The following PCDH17 variants were observed in gnomAD, a reference collection of about 807,000 sequenced individuals.
The protein encoded by PCDH17 is protocadherin-17.
Under a neutral mutation model 67.7 loss-of-function variants are expected in PCDH17, and 21 were observed. The observed-to-expected ratio is 0.31, with a 90% CI of 0.22 to 0.45. The LOEUF is 0.45. PCDH17 is among the 20% of genes least tolerant of loss of function. The probability of loss-of-function intolerance (pLI) is 1.00; values close to 1 mark genes in which losing one functional copy is unlikely to be tolerated. For missense variants in PCDH17, 1,471 were observed against 1,564.8 expected (o/e 0.94, Z 1.01); for synonymous variants, 701 against 656.7 (o/e 1.07, Z -1.03).
intron 1 of PCDH17, among the ~76,000 whole-genome samples, chr13:57,647,043 C>G (rs974342988): frequency 2.0e-5 from 3 of 151,766 alleles, no homozygotes; most frequent in Non-Finnish European, 3.0e-5. Context: ...TTGTGTTTTA[C>G]TCTTTCTGTG....
intron 3 of PCDH17, among the ~76,000 whole-genome samples, chr13:57,698,779 A>C (rs745904628): frequency 1.3e-5 from 2 of 152,138 alleles, no homozygotes; most frequent in East Asian, 3.9e-4. Flanking sequence ...CCGGCCTTTC[A>C]GAGTGAAAGA....
At chr13:57,717,397 G>A (rs149339603) in intron 3 of PCDH17, among the ~76,000 whole-genome samples, 1 of 151,986 alleles carries the variant, frequency 6.6e-6, no homozygotes, top group African/African-American at 2.4e-5. Context: ...CTTAAGTTCT[G>A]TTCACCTTAG....
At chr13:57,724,044 G>A (rs557144221) in intron 3 of PCDH17, among the ~76,000 whole-genome samples, 7 of 152,130 alleles carry the variant, frequency 4.6e-5, no homozygotes, top group South Asian at 2.1e-4. Context: ...TTCATAATAC[G>A]TCCTGATAAA....
At chr13:57,653,826 C>T (rs555121217) in intron 1 of PCDH17, among the ~76,000 whole-genome samples, 1 of 152,016 alleles carries the variant, frequency 6.6e-6, no homozygotes, top group South Asian at 2.1e-4. Flanking sequence ...CTTCATGTGT[C>T]GAAATGCATT....
chr13:57,696,563 T>C (rs1243547494), intron 3 of PCDH17, among the ~76,000 whole-genome samples: 1 of 151,426 alleles, frequency 6.6e-6, no homozygotes, highest in Non-Finnish European at 1.5e-5. Flanking sequence ...TGTTTTTAAA[T>C]GCCTTAGGAT....
At chr13:57,711,636 T>A (rs1955777195) in intron 3 of PCDH17, among the ~76,000 whole-genome samples, 1 of 151,780 alleles carries the variant, frequency 6.6e-6, no homozygotes, top group South Asian at 2.1e-4. Flanking sequence ...TAATATTTTC[T>A]ATTGAATATA....
At chr13:57,704,146 T>C (rs373763924) in intron 3 of PCDH17, among the ~76,000 whole-genome samples, 12 of 152,232 alleles carry the variant, frequency 7.9e-5, no homozygotes, top group African/African-American at 2.4e-4. Context: ...TTCAGCTATA[T>C]AGGTTTGTAG....
rs561360086 is a variant in PCDH17, at chr13:57,668,882, T to A, written c.2797+2049T>A. ...TATACTTTAAGTTCTAGGGTACATG[T>A]GCACAACGTGCAGGTTTGTTACATA... On this transcript the variant is annotated intron_variant, in intron 3 of 3. Coordinates refer to ENST00000377918, the MANE Select transcript of PCDH17 (RefSeq NM_001040429.3). Among the ~76,000 whole-genome samples the A allele has an allele frequency of 1.6e-4, 25 of 152,246 alleles. 1 individual carries two copies. In the South Asian group the frequency reaches 3.9e-3, roughly 24 times the overall value.
At chr13:57,713,271 G>A (rs1258021328) in intron 3 of PCDH17, among the ~76,000 whole-genome samples, 2 of 151,622 alleles carry the variant, frequency 1.3e-5, no homozygotes, top group Non-Finnish European at 3.0e-5. Context: ...AAACATTTCT[G>A]TATATTTACT....
chr13:57,643,830 G>C (rs575820762), intron 1 of PCDH17, among the ~76,000 whole-genome samples: 42 of 151,582 alleles, frequency 2.8e-4, no homozygotes, highest in African/African-American at 9.9e-4. Flanking sequence ...TTTTATTTTT[G>C]TGAGAGGTCA....
intron 3 of PCDH17, among the ~76,000 whole-genome samples, chr13:57,685,185 T>C (rs1277656534): frequency 6.6e-6 from 1 of 151,948 alleles, no homozygotes; most frequent in Non-Finnish European, 1.5e-5. Flanking sequence ...TTCTTCTAAT[T>C]TACTTGAGGG....
In PCDH17 at chr13:57,724,763, G is replaced by T; in HGVS notation, c.2949G>T (p.Glu983Asp). The T allele has an allele frequency of 6.2e-7, 1 of 1,614,158 alleles. No individual in the cohort carries two copies. The highest frequency in any genetic ancestry group is 8.5e-7 in the Non-Finnish European group (1 of 1,180,024). The change falls in exon 4 of 4, where the codon GAG (glutamate) becomes GAT (aspartate). Residue 983 changes from glutamate (E) to aspartate (D), a missense_variant. Physicochemically the swap from Glu to Asp is conservative, Grantham distance 45. Around this residue, in one of 3 missense-constraint regions of PCDH17, gnomAD observed 297 missense variants for 298.6 expected, o/e 0.99. Transcript: ENST00000377918. Reference sequence around the variant, plus strand: ...TACCTACAGTTGAAGCTAATGTTGAGACTGAGACTTACGAAACTGTGAATC... The same window carrying T: ...TACCTACAGTTGAAGCTAATGTTGATACTGAGACTTACGAAACTGTGAATC... ...LFVPTVEANV[E>D]TETYETVNPT...
At position 57,637,437 on chromosome 13, in the gene PCDH17, C is replaced by CT. The variant is rs879472876; in HGVS notation, c.2565+2338dup. On this transcript the variant is annotated intron_variant, in intron 1 of 3. Transcript: ENST00000377918. ...AGAGTAAATTAACTACAGGGACAGT[C>CT]TTTTTTTTTTTTAAACTAGTGTGTC... 1.3e-3 allele frequency among the ~76,000 whole-genome samples: 193 copies of CT among 143,570 alleles called. 1 individual carries two copies. Among genetic ancestry groups the CT allele is most frequent in the Middle Eastern group, 3.8e-3 (1 of 264 alleles). The allele number at this position is 143,570 out of a possible 152,430, so 94.2% of individuals were successfully genotyped here.
At chr13:57,702,352 T>C (rs571328016) in intron 3 of PCDH17, among the ~76,000 whole-genome samples, 25 of 152,132 alleles carry the variant, frequency 1.6e-4, no homozygotes, top group Admixed American at 1.2e-3. Flanking sequence ...CTACTTGGCA[T>C]CATAACCTAA....
chr13:57,698,742 A>C (rs1361314928), intron 3 of PCDH17, among the ~76,000 whole-genome samples: 1 of 151,974 alleles, frequency 6.6e-6, no homozygotes, highest in Non-Finnish European at 1.5e-5. Flanking sequence ...ATGATGCCTA[A>C]TAAAATGGCC....
At chr13:57,631,023 C>A (rs571037224), upstream of PCDH17, among the ~76,000 whole-genome samples, 1 of 152,204 alleles carries the variant, frequency 6.6e-6, no homozygotes, top group South Asian at 2.1e-4. Context: ...AGCTCTGCAC[C>A]CCCTGCCCTC....
intron 1 of PCDH17, among the ~76,000 whole-genome samples, chr13:57,660,591 G>A (rs2138015072): frequency 6.6e-6 from 1 of 152,192 alleles, no homozygotes; most frequent in East Asian, 1.9e-4. Flanking sequence ...ATAGTTCTAT[G>A]ACTGTTCATA....
rs368300635 is a variant in PCDH17, at chr13:57,680,351, G to A, written c.2797+13518G>A. 3.3e-5 allele frequency among the ~76,000 whole-genome samples: 5 copies of A among 151,684 alleles called. No homozygotes were observed. The East Asian group carries it at 9.7e-4, about 30-fold the overall frequency. On this transcript the variant is annotated intron_variant, in intron 3 of 3. Transcript: ENST00000377918. ...AAGGCGGGATAATAGCATCATCAAAGAAGTGGAGATGTAGCAAGCCATAGC... is the reference window on the plus strand; with the variant it reads ...AAGGCGGGATAATAGCATCATCAAAAAAGTGGAGATGTAGCAAGCCATAGC...
At chr13:57,643,087 A>T (rs1954923503) in intron 1 of PCDH17, among the ~76,000 whole-genome samples, 1 of 151,590 alleles carries the variant, frequency 6.6e-6, no homozygotes, top group African/African-American at 2.4e-5. Flanking sequence ...TGAATACTTG[A>T]TATATTTTTG....
Sources: gnomAD v4.1 joint callset for allele counts (sites outside exome capture counted in the v4.1 genomes callset) on GRCh38, gnomAD v4.1.1 for gene constraint, gnomAD v4.1.1 regional missense constraint, MANE v1.5 for transcripts, NCBI Gene and HGNC (gene_info 2026-07-23, HGNC 2026-07-21) for gene names.